The following LTF variants were observed in gnomAD, a reference collection of about 807,000 sequenced individuals.
LTF encodes the protein epididymis luminal protein 110.
LTF carries 91 observed loss-of-function variants against 87.2 expected under a neutral mutation model. That is an observed-to-expected ratio of 1.04 (90% CI 0.88 to 1.24). The LOEUF (loss-of-function observed/expected upper bound fraction) is 1.24. Ranked by LOEUF, LTF falls within the 50% of genes most tolerant of loss-of-function variation. LTF has a pLI of 0.00. For missense variants in LTF, 901 were observed against 904.3 expected, an observed-to-expected ratio of 1.00 and a Z score of 0.05; for synonymous variants, 378 against 356.1, an observed-to-expected ratio of 1.06 and a Z score of -0.69.
At chr3:46,455,262 G>C in intron 5 of LTF, 33 bp downstream of exon 5, 1 of 1,613,616 alleles carries the variant, frequency 6.2e-7, no homozygotes, top group Non-Finnish European at 8.5e-7. Flanking sequence ...AGGGACACTT[G>C]GCCACTGACG....
intron 11 of LTF, 124 bp downstream of exon 11, chr3:46,446,316 G>T: frequency 1.7e-6 from 1 of 603,902 alleles, no homozygotes; most frequent in Non-Finnish European, 2.9e-6. Context: ...TAAAATTATT[G>T]CTCCTAGAAG....
intron 6 of LTF, among the ~76,000 whole-genome samples, chr3:46,453,334 A>G (rs1035949880): frequency 6.6e-6 from 1 of 152,236 alleles, no homozygotes. Context: ...TTCTAACTGA[A>G]GTTGTGGGGA....
chr3:46,455,746 G>A lies in LTF; in HGVS notation c.499+50C>T, dbSNP rs1345917546. 6.6e-6 allele frequency: 10 copies of A among 1,512,972 alleles called. No individual in the cohort carries two copies. The Admixed American group carries it at 2.0e-4, about 30-fold the overall frequency. 93.7% of individuals were successfully genotyped at this position (1,512,972 alleles called of 1,614,324 possible). Reference sequence around the variant, plus strand: ...ATCTGTGTGGCCTGTGCTTACAACTGGAATAGAGCCCCCTGCCTGAGGCCA... The same window carrying A: ...ATCTGTGTGGCCTGTGCTTACAACTAGAATAGAGCCCCCTGCCTGAGGCCA... On this transcript the variant is annotated intron_variant, in intron 4 of 16. Coordinates refer to ENST00000231751, the MANE Select transcript of LTF (RefSeq NM_002343.6).
intron 9 of LTF, among the ~76,000 whole-genome samples, chr3:46,448,570 A>G (rs1298670108): frequency 1.3e-5 from 2 of 152,138 alleles, no homozygotes; most frequent in Non-Finnish European, 2.9e-5. Context: ...GTGTGAGATC[A>G]CAGGTGGTTT....
rs1016168853 is a variant in LTF at position 46,481,623 on chromosome 3, T to C, written c.-320+3363A>G. ...AAAATTAGCTGGGCCTGGTGGCAGG[T>C]GCCTGTAATCATAGCTACTCGGGAG... is the stretch of plus-strand genomic sequence containing the variant. On this transcript the variant is annotated intron_variant, in intron 1 of 19. Coordinates refer to the LTF transcript ENST00000443496. 7.2e-5 allele frequency among the ~76,000 whole-genome samples: 11 copies of C among 152,284 alleles called. No individual in the cohort carries two copies. The South Asian group carries it at 1.2e-3, about 17-fold the overall frequency.
In LTF at chr3:46,439,440, T is replaced by G; in HGVS notation, c.1764A>C (p.Ala588=). 1.2e-6 allele frequency: 2 copies of G among 1,613,890 alleles called. No individual in the cohort carries two copies. The highest frequency in any genetic ancestry group is 8.5e-7 in the Non-Finnish European group (1 of 1,179,862). ...NEAWAKDLKL[A]DFALLCLDGK... is the part of the protein sequence containing the mutation. Reference sequence around the variant, plus strand: ...CATCGAGGCACAGCAGCGCAAAGTCTGCCAGCTTCAAATCCTTAGCCCATG... The same window carrying G: ...CATCGAGGCACAGCAGCGCAAAGTCGGCCAGCTTCAAATCCTTAGCCCATG... Residue 588 remains alanine (A), a synonymous_variant, in exon 15 of 17, where the codon GCA becomes GCC. Coordinates refer to ENST00000231751, the MANE Select transcript of LTF (RefSeq NM_002343.6).
Position 46,448,915 on chromosome 3 carries a change from C to A in LTF, c.1160G>T (p.Ser387Ile), listed in dbSNP as rs142586198. Residue 387 changes from serine (S) to isoleucine (I), a missense_variant, in exon 9 of 17, where the codon AGC becomes ATC. By Grantham distance (142) the Ser-to-Ile change is moderately radical. Transcript: ENST00000231751. ...GGTGGAGGCCGAGGAGCAGGTCACG[C>A]TGCCTTCGCTCAAGCCACTCCACTG... ...CNQWSGLSEG[S>I]VTCSSASTTE... is the part of the protein sequence containing the mutation. The A allele has an allele frequency of 3.1e-6, 5 of 1,613,814 alleles. No individual in the cohort carries two copies. Among genetic ancestry groups the A allele is most frequent in the Non-Finnish European group, 4.2e-6 (5 of 1,179,948 alleles).
At chr3:46,463,926 C>G (rs11929118) in intron 1 of LTF, among the ~76,000 whole-genome samples, 2,765 of 152,310 alleles carry the variant, frequency 0.018, 68 homozygotes, top group African/African-American at 0.058. Context: ...TATCCACCGC[C>G]ACCTCTTCCA....
rs558858357 is a variant in LTF, at chr3:46,458,607, T to C, written c.207+1049A>G. ...TTTGTTTTTTGAGATGGAGTCTCGC[T>C]CTTGTCGCCCAGGCTGGAGTGCAAT... On this transcript the variant is annotated intron_variant, in intron 2 of 16. Coordinates refer to ENST00000231751, the MANE Select transcript of LTF (RefSeq NM_002343.6). Among the ~76,000 whole-genome samples, 7 of 152,332 alleles carry C rather than the reference T, an allele frequency of 4.6e-5. No individual in the cohort carries two copies. The East Asian group carries it at 1.3e-3, about 29-fold the overall frequency.
intron 1 of LTF, among the ~76,000 whole-genome samples, chr3:46,475,739 A>G (rs1233928524): frequency 6.6e-6 from 1 of 152,210 alleles, no homozygotes; most frequent in Non-Finnish European, 1.5e-5. Flanking sequence ...AATATAAAAC[A>G]TAAATGTACA....
intron 14 of LTF, among the ~76,000 whole-genome samples, chr3:46,440,274 G>A (rs1266203090): frequency 6.6e-6 from 1 of 152,158 alleles, no homozygotes; most frequent in Non-Finnish European, 1.5e-5. Flanking sequence ...AGAATAGATG[G>A]TTTACATTCA....
intron 1 of LTF, among the ~76,000 whole-genome samples, chr3:46,482,817 A>C (rs572658672): frequency 1.3e-5 from 2 of 151,376 alleles, no homozygotes; most frequent in Non-Finnish European, 2.9e-5. Flanking sequence ...GAAAGAAAGA[A>C]AGAAAGAGAA....
At chr3:46,439,207 G>A (rs1195563549) in intron 15 of LTF, 89 bp downstream of exon 15, 29 of 1,259,146 alleles carry the variant, frequency 2.3e-5, no homozygotes, top group East Asian at 1.2e-4. Context: ...AGAGAGGATC[G>A]AGTGGGCTGG....
chr3:46,478,124 T>A (rs1295787709), intron 1 of LTF, among the ~76,000 whole-genome samples: 1 of 152,050 alleles, frequency 6.6e-6, no homozygotes, highest in Non-Finnish European at 1.5e-5. Flanking sequence ...ACTCTTTCAC[T>A]CCTCTCTCTT....
At position 46,439,444 on chromosome 3, in the gene LTF, A is replaced by T. The variant is rs764746038; in HGVS notation, c.1760T>A (p.Leu587Gln). 1 of 1,613,862 alleles carries T rather than the reference A, an allele frequency of 6.2e-7. No individual in the cohort carries two copies. The highest frequency in any genetic ancestry group is 8.5e-7 in the Non-Finnish European group (1 of 1,179,824). Residue 587 changes from leucine (L) to glutamine (Q), a missense_variant, in exon 15 of 17, where the codon CTG becomes CAG. Coordinates refer to ENST00000231751, the MANE Select transcript of LTF (RefSeq NM_002343.6). ...GAGGCACAGCAGCGCAAAGTCTGCC[A>T]GCTTCAAATCCTTAGCCCATGCCTC... ...NNEAWAKDLK[L>Q]ADFALLCLDG...
rs771571316 is a variant in LTF, at chr3:46,455,185, C to T, written c.647+110G>A. ...ACACAGCAGTAGGAGAACAGACCTC[C>T]TCTCGTCCCCAAGAGCAGGCTGGGC... On this transcript the variant is annotated intron_variant, in intron 5 of 16. Coordinates refer to ENST00000231751, the MANE Select transcript of LTF (RefSeq NM_002343.6). 2.2e-4 allele frequency: 293 copies of T among 1,342,348 alleles called. 2 individuals carry two copies. The highest frequency in any genetic ancestry group is 1.4e-3 in the Middle Eastern group (6 of 4,392). 83.2% of individuals were successfully genotyped at this position (1,342,348 alleles called of 1,614,324 possible).
chr3:46,457,238 C>G (rs1446248877), intron 2 of LTF, among the ~76,000 whole-genome samples: 2 of 152,210 alleles, frequency 1.3e-5, no homozygotes, highest in African/African-American at 4.8e-5. Flanking sequence ...TCCTCTAAAA[C>G]TGGATACATT....
chr3:46,438,518 G>T (rs925950093), intron 15 of LTF, among the ~76,000 whole-genome samples: 11 of 152,216 alleles, frequency 7.2e-5, no homozygotes, highest in Admixed American at 2.0e-4. Context: ...GAGGCAGGCT[G>T]CTAGGAAAAC....
chr3:46,441,793 A>T, intron 13 of LTF: 1 of 274,124 alleles, frequency 3.6e-6, no homozygotes, highest in Non-Finnish European at 6.9e-6. Context: ...CCCCAGGACC[A>T]CAGATGTGCA....
Sources: gnomAD v4.1 joint callset for allele counts (sites outside exome capture counted in the v4.1 genomes callset) on GRCh38, gnomAD v4.1.1 for gene constraint, MANE v1.5 for transcripts, NCBI Gene and HGNC (gene_info 2026-07-23, HGNC 2026-07-21) for gene names.